ACP7: variants seen among roughly 807,000 people sequenced by gnomAD.
The protein encoded by ACP7 is acid phosphatase type 7.
ACP7 carries 58 observed loss-of-function variants against 60.6 expected under a neutral mutation model. The ratio of observed to expected loss-of-function variants is 0.96; its 90% confidence interval spans 0.77 to 1.19. The LOEUF is 1.19. Among genes scored for constraint, ACP7 ranks in the 50% most tolerant of loss-of-function variants. The pLI, the probability that ACP7 is intolerant of heterozygous loss-of-function variation, is 0.00. For missense variants in ACP7, 574 were observed against 596.2 expected (o/e 0.96, Z 0.39); for synonymous variants, 237 against 232.6 (o/e 1.02, Z -0.17).
intron 11 of ACP7, among the ~76,000 whole-genome samples, chr19:39,105,306 T>C (rs522265): frequency 0.76 from 115,719 of 151,920 alleles, 44,377 homozygotes; most frequent in Non-Finnish European, 0.81. Context: ...TGAGCCACTG[T>C]GCCCGGCGTC....
intron 2 of ACP7, among the ~76,000 whole-genome samples, chr19:39,097,778 T>C (rs1053382532): frequency 6.6e-6 from 1 of 151,984 alleles, no homozygotes; most frequent in African/African-American, 2.4e-5. Flanking sequence ...AATAATGATA[T>C]TAATAATAAT....
chr19:39,091,597 A>G (rs2073205210), intron 2 of ACP7, among the ~76,000 whole-genome samples: 2 of 152,216 alleles, frequency 1.3e-5, no homozygotes. Flanking sequence ...ACGAAGCTGC[A>G]TATTCACACA....
intron 2 of ACP7, among the ~76,000 whole-genome samples, chr19:39,097,677 G>A (rs1027277228): frequency 1.3e-5 from 2 of 151,820 alleles, no homozygotes; most frequent in African/African-American, 4.8e-5. Context: ...ATAGGGCAGG[G>A]TCTACAGTCT....
At chr19:39,106,904 G>C (rs1271457244) in intron 11 of ACP7, 43 bp from the exon 12 acceptor site, 1 of 1,607,800 alleles carries the variant, frequency 6.2e-7, no homozygotes, top group Non-Finnish European at 8.5e-7. Context: ...TTCCCCGCGG[G>C]TCCTCCACCT....
chr19:39,102,157 C>CACACAA (rs1555769305), intron 11 of ACP7, among the ~76,000 whole-genome samples: 3 of 150,194 alleles, frequency 2.0e-5, no homozygotes, highest in Admixed American at 1.3e-4. Flanking sequence ...CACACACACA[C>CACACAA]AAAAGATACT....
intron 4 of ACP7, among the ~76,000 whole-genome samples, chr19:39,099,746 A>C (rs1056621376): frequency 6.6e-6 from 1 of 151,998 alleles, no homozygotes; most frequent in Non-Finnish European, 1.5e-5. Flanking sequence ...TAATTCCAGC[A>C]CTTTGTGAGG....
rs373798781 is a variant in ACP7 at position 39,085,397 on chromosome 19, G to A, written c.121+7G>A. ...GTCCATCTGTCTTACCCAGGTAAGT[G>A]TCCCTGACTCATTTCTATGCCTCTA... On this transcript the variant is annotated splice_region_variant and intron_variant, in intron 2 of 12. Coordinates refer to ENST00000331256, the MANE Select transcript of ACP7 (RefSeq NM_001004318.3). 6.2e-7 allele frequency: 1 copy of A among 1,605,310 alleles called. No homozygotes were observed. The highest frequency in any genetic ancestry group is 8.5e-7 in the Non-Finnish European group (1 of 1,176,106).
intron 11 of ACP7, among the ~76,000 whole-genome samples, chr19:39,104,834 G>A (rs1002156105): frequency 1.1e-4 from 17 of 151,848 alleles, no homozygotes; most frequent in Admixed American, 1.0e-3. Context: ...GCAGTGAGCC[G>A]AGATCGTGCC....
chr19:39,089,317 C>A (rs2073179195), intron 2 of ACP7, among the ~76,000 whole-genome samples: 2 of 152,290 alleles, frequency 1.3e-5, no homozygotes, highest in African/African-American at 4.8e-5. Context: ...ATCCACCCGC[C>A]TCGGCCTCCC....
Position 39,100,992 on chromosome 19 carries a change from T to C in ACP7, c.851T>C (p.Met284Thr). Residue 284 changes from methionine to threonine, a missense_variant, in exon 8 of 13, where the codon ATG becomes ACG. Physicochemically the swap from Met to Thr is moderately conservative, Grantham distance 81. Coordinates refer to ENST00000331256, the MANE Select transcript of ACP7 (RefSeq NM_001004318.3). ...GCAGCCCGGCCGTGGATCATCACTA[T>C]GGGGCACCGGCCCATGTACTGCTCC... ...NRAARPWIIT[M>T]GHRPMYCSNA... The C allele has an allele frequency of 6.2e-7, 1 of 1,611,172 alleles. No individual in the cohort carries two copies. The highest frequency in any genetic ancestry group is 8.5e-7 in the Non-Finnish European group (1 of 1,178,728).
chr19:39,103,441 G>GTTTTTTTTTTTTTTTTT (rs58293250), intron 11 of ACP7, among the ~76,000 whole-genome samples: 1 of 64,690 alleles, frequency 1.5e-5, no homozygotes. Context: ...ATCATCATGT[G>GTTTTTTTTTTTTTTTTT]TTTTTTTTTT....
chr19:39,086,726 C>G (rs1192099693), intron 2 of ACP7, among the ~76,000 whole-genome samples: 1 of 151,530 alleles, frequency 6.6e-6, no homozygotes, highest in Non-Finnish European at 1.5e-5. Flanking sequence ...TTGTTTTAAA[C>G]TGTTAATCTC....
intron 3 of ACP7, 79 bp from the exon 4 acceptor site, chr19:39,098,880 CA>C (rs2073304018): frequency 3.8e-6 from 6 of 1,566,966 alleles, no homozygotes; most frequent in Admixed American, 1.8e-5. Flanking sequence ...TCCTCCCCTC[CA>C]CCAGTCGGGG....
Position 39,098,576 on chromosome 19 carries a change from C to T in ACP7, c.240C>T (p.Pro80=). 6.2e-7 allele frequency: 1 copy of T among 1,613,750 alleles called. No homozygotes were observed. Among genetic ancestry groups the T allele is most frequent in the Non-Finnish European group, 8.5e-7 (1 of 1,179,868 alleles). The change falls in exon 3 of 13, where the codon CCC becomes CCT. Residue 80 remains proline (P), a synonymous_variant. Transcript: ENST00000331256. ...TCCGCGCCCAGGGCACCTTCGTCCC[C>T]TTTGTGGACGGGGGCATTCTCCGGC... ...LPLRAQGTFV[P]FVDGGILRRK...
Position 39,085,104 on chromosome 19 carries a change from C to T in ACP7, c.-166C>T. On this transcript the variant is annotated 5_prime_UTR_variant, in exon 2 of 13. Transcript: ENST00000331256. ...TTTCTCTCTCCAGCACCTGGATAAC[C>T]ACCCATCTTGAAGGAGACCTCCCTG... 1 of 823,552 alleles carries T rather than the reference C, an allele frequency of 1.2e-6. No individual in the cohort carries two copies. The highest frequency in any genetic ancestry group is 1.8e-6 in the Non-Finnish European group (1 of 544,786). 51.0% of individuals were successfully genotyped at this position (823,552 alleles called of 1,614,324 possible).
chr19:39,084,146 C>T (rs2073113547), upstream of ACP7, among the ~76,000 whole-genome samples: 1 of 152,144 alleles, frequency 6.6e-6, no homozygotes, highest in African/African-American at 2.4e-5. Context: ...CGTATCATAA[C>T]CTTCCTGGGT....
At chr19:39,092,298 C>T (rs552367150) in intron 2 of ACP7, among the ~76,000 whole-genome samples, 15 of 152,044 alleles carry the variant, frequency 9.9e-5, no homozygotes, top group South Asian at 6.2e-4. Flanking sequence ...CGCTTCAACC[C>T]GGGAGGCAGA....
chr19:39,098,694 G>T (rs560364), intron 3 of ACP7, 36 bp downstream of exon 3: 2 of 1,571,172 alleles, frequency 1.3e-6, no homozygotes, highest in Non-Finnish European at 1.7e-6. Context: ...TTGAGGAGGA[G>T]TGGGAAGAGG....
intron 2 of ACP7, among the ~76,000 whole-genome samples, chr19:39,095,860 G>A (rs192696153): frequency 6.6e-6 from 1 of 152,338 alleles, no homozygotes; most frequent in East Asian, 1.9e-4. Flanking sequence ...AAACCATGTG[G>A]AAGCTGCCAA....
Sources: gnomAD v4.1 joint callset for allele counts (sites outside exome capture counted in the v4.1 genomes callset) on GRCh38, gnomAD v4.1.1 for gene constraint, MANE v1.5 for transcripts, NCBI Gene and HGNC (gene_info 2026-07-23, HGNC 2026-07-21) for gene names.